The following CLASP2 variants were observed in gnomAD, a reference collection of about 807,000 sequenced individuals.
CLASP2 encodes the protein cytoplasmic linker associated protein 2.
In CLASP2, 47 loss-of-function variants were observed where a neutral mutation model predicts 194.4. The ratio of observed to expected loss-of-function variants is 0.24; its 90% CI spans 0.19 to 0.31. The LOEUF (loss-of-function observed/expected upper bound fraction) is 0.31, where lower values mean the gene tolerates loss of function less well. Among genes scored for constraint, CLASP2 ranks in the 10% least tolerant of loss-of-function variants. The pLI, the probability that CLASP2 is intolerant of heterozygous loss-of-function variation, is 1.00. For synonymous variants in CLASP2, 619 were observed against 633.5 expected (o/e 0.98, Z 0.34); for missense variants, 1,445 against 1,823.6 (o/e 0.79, Z 3.78).
Position 33,606,546 on chromosome 3 carries a change from T to C in CLASP2, c.1694+45A>G, listed in dbSNP as rs776070123. ...ATCCAACTTATGAAACTTCAGGGAG[T>C]TGAGGAGAGGAAGAGACTAGTAATC... On this transcript the variant is annotated intron_variant, in intron 16 of 38. Transcript: ENST00000682230. 16 of 1,498,364 alleles carry C rather than the reference T, an allele frequency of 1.1e-5. No individual in the cohort carries two copies. The East Asian group carries it at 1.1e-4, about 11-fold the overall frequency. The allele number at this position is 1,498,364 out of a possible 1,614,324, so 92.8% of individuals were successfully genotyped here.
chr3:33,685,205 G>A (rs759662654), intron 5 of CLASP2, among the ~76,000 whole-genome samples: 1 of 150,458 alleles, frequency 6.6e-6, no homozygotes, highest in African/African-American at 2.4e-5. Flanking sequence ...AGCCCAGCGT[G>A]GTGGCACATC....
Position 33,656,274 on chromosome 3 carries a change from T to C in CLASP2, c.715+7171A>G, listed in dbSNP as rs192495356. Among the ~76,000 whole-genome samples, 89 of 152,262 alleles carry C rather than the reference T, an allele frequency of 5.8e-4. 1 individual carries two copies. Among genetic ancestry groups the C allele is most frequent in the Middle Eastern group, 3.4e-3 (1 of 292 alleles). ...ATAACATATTCAATAGATAATAGAT[T>C]AATAACTGGAATATATAAAAAGCAA... On this transcript the variant is annotated intron_variant, in intron 7 of 38. Transcript: ENST00000682230.
chr3:33,511,030 A>ATT (rs397875429), intron 36 of CLASP2, among the ~76,000 whole-genome samples: 30 of 105,870 alleles, frequency 2.8e-4, no homozygotes, highest in Middle Eastern at 4.8e-3. Flanking sequence ...TGGCTAAAGT[A>ATT]TTTTTTTTTT....
Position 33,543,460 on chromosome 3 carries a change from T to C in CLASP2, c.3377A>G (p.Asn1126Ser), listed in dbSNP as rs1248291582. 14 of 1,608,190 alleles carry C rather than the reference T, an allele frequency of 8.7e-6. No individual in the cohort carries two copies. The highest frequency in any genetic ancestry group is 1.3e-5 in the African/African-American group (1 of 74,776). Residue 1126 changes from asparagine to serine, a missense_variant, in exon 32 of 39, where the codon AAT (asparagine) becomes AGT (serine). Physicochemically the swap from Asn to Ser is conservative, Grantham distance 46 (BLOSUM62 1). Around this residue, in one of 4 missense-constraint regions of CLASP2, gnomAD observed 732 missense variants for 987.9 expected, o/e 0.74. Coordinates refer to ENST00000682230, the MANE Select transcript of CLASP2 (RefSeq NM_001365631.1). ...TGGAGATAAAGTATTCTGTGATGTA[T>C]TGGTAGGAGAAGTAAGAGGACTGGA... ...NWSSPLTSPT[N>S]TSQNTLSPSA... is the part of the protein sequence containing the mutation.
chr3:33,633,765 T>A (rs953857164), intron 8 of CLASP2, among the ~76,000 whole-genome samples: 1 of 152,102 alleles, frequency 6.6e-6, no homozygotes, highest in African/African-American at 2.4e-5. Context: ...TTAAATTTTT[T>A]AAATAATTAA....
intron 38 of CLASP2, among the ~76,000 whole-genome samples, chr3:33,499,540 G>C (rs2046361817): frequency 6.6e-6 from 1 of 151,752 alleles, no homozygotes; most frequent in East Asian, 1.9e-4. Flanking sequence ...TAGTAGAGAT[G>C]GGATTTCACC....
intron 7 of CLASP2, among the ~76,000 whole-genome samples, chr3:33,661,920 T>C (rs1253621304): frequency 1.3e-5 from 2 of 152,194 alleles, no homozygotes; most frequent in Non-Finnish European, 2.9e-5. Context: ...GTTAATTAAT[T>C]CATTAAGGAA....
chr3:33,577,175 GAT>G, intron 23 of CLASP2: 3 of 1,523,910 alleles, frequency 2.0e-6, no homozygotes, highest in Non-Finnish European at 2.7e-6. Context: ...AATGCCAGAT[GAT>G]AGTGAAAATG....
chr3:33,716,718 T>C (rs576936293), intron 1 of CLASP2, among the ~76,000 whole-genome samples: 2 of 152,320 alleles, frequency 1.3e-5, no homozygotes, highest in South Asian at 4.1e-4. Flanking sequence ...CAAGAGATGG[T>C]ATGTAATGAA....
At chr3:33,557,575 C>T (rs549329545) in intron 29 of CLASP2, among the ~76,000 whole-genome samples, 1 of 152,236 alleles carries the variant, frequency 6.6e-6, no homozygotes, top group African/African-American at 2.4e-5. Context: ...AACACCACTA[C>T]AGGTACCTAT....
At chr3:33,571,427 G>C (rs2063753862) in intron 25 of CLASP2, among the ~76,000 whole-genome samples, 1 of 151,566 alleles carries the variant, frequency 6.6e-6, no homozygotes, top group Non-Finnish European at 1.5e-5. Context: ...TCAGGAGTTT[G>C]AGACCAGCCT....
intron 8 of CLASP2, among the ~76,000 whole-genome samples, chr3:33,641,752 A>ATT (rs74553715): frequency 6.9e-6 from 1 of 145,642 alleles, no homozygotes; most frequent in South Asian, 2.2e-4. Context: ...AGCTCACTGT[A>ATT]TTTTTTTTTT....
intron 16 of CLASP2, among the ~76,000 whole-genome samples, chr3:33,605,455 T>C (rs1349239621): frequency 6.6e-6 from 1 of 152,170 alleles, no homozygotes; most frequent in African/African-American, 2.4e-5. Flanking sequence ...TGAAAACCTA[T>C]AAGCAACTGA....
At chr3:33,677,929 CAAAA>C (rs777895095) in intron 6 of CLASP2, among the ~76,000 whole-genome samples, 1 of 60,038 alleles carries the variant, frequency 1.7e-5, no homozygotes, top group Admixed American at 1.8e-4. Flanking sequence ...AACAAAGTAC[CAAAA>C]AAAAAAAAAA....
chr3:33,580,475 A>C (rs2065809973), intron 23 of CLASP2, among the ~76,000 whole-genome samples: 1 of 152,090 alleles, frequency 6.6e-6, no homozygotes, highest in Admixed American at 6.5e-5. Context: ...AGGCAGGAGA[A>C]TCGATTGAAC....
At chr3:33,597,777 G>C (rs58669375) in intron 18 of CLASP2, among the ~76,000 whole-genome samples, 1 of 144,358 alleles carries the variant, frequency 6.9e-6, no homozygotes, top group Non-Finnish European at 1.5e-5. Context: ...TTTTTTAACA[G>C]AGTCTCGCCC....
chr3:33,616,281 C>T lies in CLASP2; in HGVS notation c.1317+3322G>A, dbSNP rs140924890. On this transcript the variant is annotated intron_variant, in intron 12 of 38. Coordinates refer to ENST00000682230, the MANE Select transcript of CLASP2 (RefSeq NM_001365631.1). Reference sequence around the variant, plus strand: ...TTCAAAATAAAAGATTCAAGATGCCCAGAGCCTAAAACAATGGAAATGTTA... The same window carrying T: ...TTCAAAATAAAAGATTCAAGATGCCTAGAGCCTAAAACAATGGAAATGTTA... Among the ~76,000 whole-genome samples the T allele has an allele frequency of 2.0e-5, 3 of 152,020 alleles. No homozygotes were observed. In the East Asian group the frequency reaches 5.8e-4, roughly 29 times the overall value.
At chr3:33,693,474 T>C (rs762462650) in intron 2 of CLASP2, among the ~76,000 whole-genome samples, 20 of 152,182 alleles carry the variant, frequency 1.3e-4, no homozygotes, top group Non-Finnish European at 2.5e-4. Flanking sequence ...GGCTAAGTTC[T>C]GTAACACAGA....
chr3:33,503,106 T>A (rs2047201421), intron 37 of CLASP2: 1 of 152,156 alleles, frequency 6.6e-6, no homozygotes, highest in South Asian at 2.1e-4. Context: ...AGGTAAATAA[T>A]GTTCAGTGTC....
Sources: allele counts gnomAD v4.1 joint callset (sites outside exome capture counted in the v4.1 genomes callset), GRCh38; gene constraint gnomAD v4.1.1; regional missense constraint gnomAD v4.1.1; transcripts MANE v1.5; gene names NCBI Gene and HGNC (gene_info 2026-07-23, HGNC 2026-07-21).